FMN1: variants seen among roughly 807,000 people sequenced by gnomAD.
FMN1 encodes the protein formin-1.
A neutral mutation model predicts 132.4 loss-of-function variants in FMN1; 110 were observed. The ratio of observed to expected loss-of-function variants is 0.83; its 90% confidence interval spans 0.71 to 0.97. The LOEUF (loss-of-function observed/expected upper bound fraction) is 0.97. Ranked by LOEUF, FMN1 falls within the 50% of genes least tolerant of loss-of-function variation. FMN1 has a pLI of 0.00. For synonymous variants in FMN1, 722 were observed against 651.7 expected, an observed-to-expected ratio of 1.11 and a Z score of -1.64; for missense variants, 1,792 against 1,705.3, an observed-to-expected ratio of 1.05 and a Z score of -0.90.
At chr15:33,023,578 G>A (rs1381391302) in intron 6 of FMN1, among the ~76,000 whole-genome samples, 1 of 152,114 alleles carries the variant, frequency 6.6e-6, no homozygotes, top group Non-Finnish European at 1.5e-5. Flanking sequence ...AATAAAAGGT[G>A]CAAAAGCTTA....
chr15:33,062,608 T>TGA (rs2037538156), intron 6 of FMN1: 1 of 152,028 alleles, frequency 6.6e-6, no homozygotes, highest in African/African-American at 2.4e-5. Context: ...GGCGACAGAG[T>TGA]GAGACTCCAT....
chr15:32,982,340 T>A (rs2032744497), intron 7 of FMN1, among the ~76,000 whole-genome samples: 1 of 152,192 alleles, frequency 6.6e-6, no homozygotes, highest in Non-Finnish European at 1.5e-5. Context: ...TACAGTCACT[T>A]TGGAAAGCAG....
At chr15:33,023,317 A>G (rs1039596766) in intron 6 of FMN1, among the ~76,000 whole-genome samples, 11 of 152,090 alleles carry the variant, frequency 7.2e-5, no homozygotes, top group Non-Finnish European at 1.2e-4. Flanking sequence ...CTTTCAAAAC[A>G]TAAGAAGAAA....
At chr15:32,961,723 T>TA (rs143520579) in intron 9 of FMN1, among the ~76,000 whole-genome samples, 2,083 of 152,222 alleles carry the variant, frequency 0.014, 50 homozygotes, top group African/African-American at 0.048. Context: ...ATTGAATAAT[T>TA]ACTTAGAGAA....
chr15:33,185,675 C>T (rs989416485), intron 2 of FMN1, among the ~76,000 whole-genome samples: 24 of 149,382 alleles, frequency 1.6e-4, no homozygotes, highest in South Asian at 1.1e-3. Context: ...CAGGTTCAAG[C>T]GATTCTCCTG....
chr15:32,973,924 G>C (rs2031995537), intron 7 of FMN1, among the ~76,000 whole-genome samples: 1 of 152,116 alleles, frequency 6.6e-6, no homozygotes, highest in Non-Finnish European at 1.5e-5. Context: ...CAGATACACA[G>C]CTAGAAAGAC....
intron 16 of FMN1, among the ~76,000 whole-genome samples, chr15:32,863,041 T>C (rs1462858134): frequency 2.0e-5 from 3 of 152,226 alleles, no homozygotes; most frequent in Admixed American, 6.5e-5. Flanking sequence ...TAAAGCAAAT[T>C]CTTGTATTAT....
At chr15:32,885,565 C>T (rs1168581829) in intron 16 of FMN1, among the ~76,000 whole-genome samples, 3 of 152,196 alleles carry the variant, frequency 2.0e-5, no homozygotes, top group Non-Finnish European at 4.4e-5. Context: ...ATCTGCCTCA[C>T]AAGGTCACTG....
At chr15:33,001,123 A>C (rs1260923622) in intron 7 of FMN1, among the ~76,000 whole-genome samples, 1 of 152,208 alleles carries the variant, frequency 6.6e-6, no homozygotes, top group African/African-American at 2.4e-5. Flanking sequence ...TCTCAACTAA[A>C]AATACAAAAA....
At chr15:32,920,689 A>C (rs939784496) in intron 10 of FMN1, among the ~76,000 whole-genome samples, 3 of 152,142 alleles carry the variant, frequency 2.0e-5, no homozygotes, top group Non-Finnish European at 2.9e-5. Flanking sequence ...CTGCGTCTGC[A>C]CCTGTGTTTT....
chr15:33,121,965 T>C (rs553456533), intron 4 of FMN1, among the ~76,000 whole-genome samples: 73 of 152,358 alleles, frequency 4.8e-4, no homozygotes, highest in African/African-American at 1.3e-3. Context: ...AATTCATTTA[T>C]TCATTTACCA....
At chr15:32,849,932 C>T (rs891986511) in intron 17 of FMN1, among the ~76,000 whole-genome samples, 26 of 152,244 alleles carry the variant, frequency 1.7e-4, no homozygotes, top group Admixed American at 4.6e-4. Flanking sequence ...GCAGGGATTA[C>T]AGGCTTAAGC....
rs77465586 is a variant in FMN1 at position 32,807,296 on chromosome 15, C to T, written c.3929-2964G>A. On this transcript the variant is annotated intron_variant, in intron 17 of 20. Coordinates refer to ENST00000616417, the MANE Select transcript of FMN1 (RefSeq NM_001277313.2). ...TCATAAGTGCATCATTTTAGGCAGA[C>T]GGAAGCCATGGCCAGGGCCATCTTT... Among the ~76,000 whole-genome samples the T allele has an allele frequency of 1.9e-3, 283 of 152,284 alleles. 4 individuals carry two copies. Among genetic ancestry groups the T allele is most frequent in the East Asian group, 0.018 (93 of 5,186 alleles).
intron 8 of FMN1, among the ~76,000 whole-genome samples, chr15:32,967,447 AAT>A (rs1424692973): frequency 2.6e-5 from 4 of 152,232 alleles, no homozygotes; most frequent in African/African-American, 9.6e-5. Context: ...TGAGAACACT[AAT>A]ACGGAAACAT....
intron 7 of FMN1, among the ~76,000 whole-genome samples, chr15:32,987,333 G>C (rs1375709983): frequency 1.3e-5 from 2 of 152,102 alleles, no homozygotes; most frequent in Non-Finnish European, 2.9e-5. Context: ...CTTGTTTGGT[G>C]CCATGTACCC....
At chr15:32,918,910 G>A (rs904813255) in intron 10 of FMN1, among the ~76,000 whole-genome samples, 2 of 152,140 alleles carry the variant, frequency 1.3e-5, no homozygotes, top group Admixed American at 6.5e-5. Flanking sequence ...GAGCCCCGCT[G>A]CTTAGGTGTT....
At chr15:32,875,573 T>A (rs2059617471) in intron 16 of FMN1, among the ~76,000 whole-genome samples, 1 of 152,076 alleles carries the variant, frequency 6.6e-6, no homozygotes, top group African/African-American at 2.4e-5. Context: ...TCACAGTTCA[T>A]GGCCCCTATC....
chr15:32,971,869 C>CCCA (rs2031822243), intron 7 of FMN1, among the ~76,000 whole-genome samples: 1 of 152,122 alleles, frequency 6.6e-6, no homozygotes, highest in African/African-American at 2.4e-5. Flanking sequence ...AAGCCCTGGC[C>CCCA]CCACCTCCTC....
At chr15:32,807,906 C>T (rs958687053) in intron 17 of FMN1, among the ~76,000 whole-genome samples, 4 of 152,196 alleles carry the variant, frequency 2.6e-5, no homozygotes, top group African/African-American at 9.6e-5. Context: ...GAAGCTCTAA[C>T]AGCATGAAAT....
Sources: gnomAD v4.1 joint callset for allele counts (sites outside exome capture counted in the v4.1 genomes callset) on GRCh38, gnomAD v4.1.1 for gene constraint, MANE v1.5 for transcripts, NCBI Gene and HGNC (gene_info 2026-07-23, HGNC 2026-07-21) for gene names.